The following GLCE variants were observed in gnomAD, a reference collection of about 807,000 sequenced individuals.
The protein encoded by GLCE is glucuronic acid epimerase.
A neutral mutation model predicts 47.9 loss-of-function variants in GLCE; 19 were observed. That is an observed-to-expected ratio of 0.40 (90% CI 0.28 to 0.58). The LOEUF is 0.58. GLCE is among the 20% of genes least tolerant of loss of function. The pLI is 0.48. For missense variants in GLCE, 556 were observed against 743.3 expected (o/e 0.75, Z 2.93); for synonymous variants, 245 against 263.4 (o/e 0.93, Z 0.68).
intron 1 of GLCE, among the ~76,000 whole-genome samples, chr15:69,208,996 AT>A (rs2052189538): frequency 6.6e-6 from 1 of 151,920 alleles, no homozygotes; most frequent in African/African-American, 2.4e-5. Flanking sequence ...AGATTGGATC[AT>A]TTTTATTCAT....
intron 2 of GLCE, among the ~76,000 whole-genome samples, chr15:69,234,052 A>G (rs1057400788): frequency 1.3e-4 from 19 of 151,292 alleles, no homozygotes; most frequent in African/African-American, 4.6e-4. Flanking sequence ...ATCTGAGCTC[A>G]CTGCAACCTC....
intron 1 of GLCE, among the ~76,000 whole-genome samples, chr15:69,186,108 C>A (rs753657390): frequency 2.6e-5 from 4 of 152,216 alleles, no homozygotes; most frequent in South Asian, 2.1e-4. Flanking sequence ...TATGCTACCC[C>A]CTGGGAACCT....
rs533970995 is a variant in GLCE, at chr15:69,232,348, A to G, written c.-14+21942A>G. 6.6e-5 allele frequency among the ~76,000 whole-genome samples: 10 copies of G among 152,238 alleles called. No individual in the cohort carries two copies. The South Asian group carries it at 1.9e-3, about 28-fold the overall frequency. On this transcript the variant is annotated intron_variant, in intron 2 of 4. Coordinates refer to ENST00000261858, the MANE Select transcript of GLCE (RefSeq NM_015554.3). ...TAGTAATCAGTGATACTTTCAAGCA[A>G]TGGCTCCTGAGATACATATTGTGTT... is the stretch of plus-strand genomic sequence containing the variant.
intron 1 of GLCE, among the ~76,000 whole-genome samples, chr15:69,166,325 A>C (rs2067817995): frequency 6.6e-6 from 1 of 152,232 alleles, no homozygotes; most frequent in Non-Finnish European, 1.5e-5. Flanking sequence ...TGCTTTTTCT[A>C]ATACTACACT....
chr15:69,232,939 A>T (rs1013563911), intron 2 of GLCE, among the ~76,000 whole-genome samples: 1 of 152,102 alleles, frequency 6.6e-6, no homozygotes, highest in Non-Finnish European at 1.5e-5. Flanking sequence ...TTGGGTGGAG[A>T]ATATGCTTTT....
intron 1 of GLCE, among the ~76,000 whole-genome samples, chr15:69,168,277 GTTAAA>G (rs2051535141): frequency 6.6e-6 from 1 of 152,066 alleles, no homozygotes; most frequent in African/African-American, 2.4e-5. Context: ...AAAAAAAAGA[GTTAAA>G]TTAAATGAAA....
chr15:69,243,107 G>GA (rs2052698542), intron 2 of GLCE, among the ~76,000 whole-genome samples: 1 of 149,696 alleles, frequency 6.7e-6, no homozygotes, highest in South Asian at 2.1e-4. Context: ...AAGGAGAAAG[G>GA]AAAGAAAAAA....
At chr15:69,184,279 G>A (rs1011650062) in intron 1 of GLCE, among the ~76,000 whole-genome samples, 4 of 152,088 alleles carry the variant, frequency 2.6e-5, no homozygotes, top group South Asian at 2.1e-4. Context: ...GTAGCTCTGG[G>A]CATGCAATGC....
At chr15:69,255,742 G>T in intron 2 of GLCE, 52 bp from the exon 3 acceptor site, 13 of 966,814 alleles carry the variant, frequency 1.3e-5, no homozygotes, top group South Asian at 3.4e-5. Flanking sequence ...TTTATCCTAT[G>T]AAATGCCGGT....
intron 1 of GLCE, among the ~76,000 whole-genome samples, chr15:69,166,372 T>G (rs1431138969): frequency 6.6e-6 from 1 of 152,230 alleles, no homozygotes; most frequent in Non-Finnish European, 1.5e-5. Context: ...GTGTTTAAAA[T>G]TATTAACATA....
chr15:69,194,195 T>G (rs1339589192), intron 1 of GLCE, among the ~76,000 whole-genome samples: 3 of 152,162 alleles, frequency 2.0e-5, no homozygotes, highest in Admixed American at 1.3e-4. Context: ...CAGCTGTATT[T>G]GCAGTTTGAG....
At chr15:69,197,486 C>T (rs912658693) in intron 1 of GLCE, 8 of 164,140 alleles carry the variant, frequency 4.9e-5, no homozygotes, top group Admixed American at 1.2e-4. Context: ...TTAAAATTCA[C>T]GGTACAAAAC....
intron 2 of GLCE, among the ~76,000 whole-genome samples, chr15:69,216,989 G>T (rs989782975): frequency 4.6e-5 from 7 of 152,024 alleles, no homozygotes; most frequent in Non-Finnish European, 1.0e-4. Flanking sequence ...ATGGGAAGAT[G>T]ACTTTTTCTG....
intron 1 of GLCE, among the ~76,000 whole-genome samples, chr15:69,202,679 A>G (rs1484162457): frequency 2.0e-5 from 3 of 152,114 alleles, no homozygotes; most frequent in Non-Finnish European, 4.4e-5. Context: ...TATAGTCTAC[A>G]CAGGCATTGA....
chr15:69,197,146 G>T (rs995654110), intron 1 of GLCE: 4 of 382,832 alleles, frequency 1.0e-5, no homozygotes, highest in Admixed American at 8.3e-5. Context: ...CAGTCCTTCG[G>T]CACAACAATG....
At chr15:69,200,644 A>G (rs1300223784) in intron 1 of GLCE, among the ~76,000 whole-genome samples, 1 of 152,134 alleles carries the variant, frequency 6.6e-6, no homozygotes, top group East Asian at 1.9e-4. Flanking sequence ...AGAATGTTAA[A>G]TCTTTTATTG....
chr15:69,224,650 C>T (rs913297969), intron 2 of GLCE, among the ~76,000 whole-genome samples: 4 of 152,144 alleles, frequency 2.6e-5, no homozygotes, highest in East Asian at 1.9e-4. Flanking sequence ...TTTTTGCCTA[C>T]GTGGGCTCCT....
chr15:69,225,171 GC>G (rs1231783180), intron 2 of GLCE, among the ~76,000 whole-genome samples: 1 of 103,728 alleles, frequency 9.6e-6, no homozygotes, highest in East Asian at 3.0e-4. Flanking sequence ...ATATTTTAAA[GC>G]TTTTTTTTTT....
chr15:69,225,452 G>A (rs1213159118), intron 2 of GLCE, among the ~76,000 whole-genome samples: 5 of 152,278 alleles, frequency 3.3e-5, no homozygotes, highest in Admixed American at 1.3e-4. Flanking sequence ...AAGGTTTTGA[G>A]GGGCAGTTGT....
Sources: gnomAD v4.1 joint callset for allele counts (sites outside exome capture counted in the v4.1 genomes callset) on GRCh38, gnomAD v4.1.1 for gene constraint, MANE v1.5 for transcripts, NCBI Gene and HGNC (gene_info 2026-07-23, HGNC 2026-07-21) for gene names.